DLG2: variants seen among roughly 807,000 people sequenced by gnomAD.
DLG2 encodes the protein disks large homolog 2.
In DLG2, 45 loss-of-function variants were observed where a neutral mutation model predicts 132.5. The observed-to-expected ratio is 0.34, with a 90% CI of 0.27 to 0.44. The LOEUF (loss-of-function observed/expected upper bound fraction) is 0.44, where lower values mean the gene tolerates loss of function less well. DLG2 is among the 20% of genes least tolerant of loss of function. The probability of loss-of-function intolerance (pLI) is 1.00; values close to 1 mark genes in which losing one functional copy is unlikely to be tolerated. For missense variants in DLG2, 1,045 were observed against 1,196.9 expected (o/e 0.87, Z 1.87); for synonymous variants, 424 against 419.6 (o/e 1.01, Z -0.13).
At chr11:83,607,749 A>G (rs925917556) in intron 19 of DLG2, among the ~76,000 whole-genome samples, 1 of 152,252 alleles carries the variant, frequency 6.6e-6, no homozygotes, top group Non-Finnish European at 1.5e-5. Context: ...AACAAATTGT[A>G]TTATATTCAT....
At chr11:84,954,501 G>A (rs1199545386) in intron 6 of DLG2, among the ~76,000 whole-genome samples, 2 of 152,178 alleles carry the variant, frequency 1.3e-5, no homozygotes, top group Non-Finnish European at 2.9e-5. Flanking sequence ...CTTTGGGCAA[G>A]AAGACTATGT....
chr11:84,801,635 G>A (rs1337304469), intron 6 of DLG2, among the ~76,000 whole-genome samples: 1 of 152,164 alleles, frequency 6.6e-6, no homozygotes, highest in African/African-American at 2.4e-5. Flanking sequence ...CGTGATGGGA[G>A]CTGTGTCCCC....
chr11:83,992,547 T>C (rs924855981), intron 11 of DLG2, among the ~76,000 whole-genome samples: 12 of 152,138 alleles, frequency 7.9e-5, no homozygotes, highest in Non-Finnish European at 1.5e-4. Context: ...CATGGCTTAG[T>C]TGAGAAACTC....
intron 7 of DLG2, among the ~76,000 whole-genome samples, chr11:84,280,461 G>GT (rs1008522104): frequency 1.3e-5 from 2 of 151,652 alleles, no homozygotes; most frequent in Non-Finnish European, 2.9e-5. Flanking sequence ...TAGTGACAGT[G>GT]TTTTGCCATG....
At chr11:84,483,472 C>T (rs2099143213) in intron 7 of DLG2, among the ~76,000 whole-genome samples, 1 of 145,874 alleles carries the variant, frequency 6.9e-6, no homozygotes. Flanking sequence ...TTACATTAGT[C>T]TCTGTAAGCA....
intron 6 of DLG2, among the ~76,000 whole-genome samples, chr11:84,721,759 G>A (rs2061861642): frequency 6.6e-6 from 1 of 152,134 alleles, no homozygotes; most frequent in South Asian, 2.1e-4. Flanking sequence ...TCTGGCTCTG[G>A]TGCTAGATGT....
rs558832862 is a variant in DLG2, at chr11:84,328,740, T to A, written c.520-77449A>T. 3.3e-5 allele frequency among the ~76,000 whole-genome samples: 5 copies of A among 152,330 alleles called. No homozygotes were observed. The South Asian group carries it at 1.0e-3, about 32-fold the overall frequency. ...CCTAAAGGCAGGGTATGGACTAATA[T>A]AAATTACAGGTCCTCTTTCATCTAA... On this transcript the variant is annotated intron_variant, in intron 7 of 27. Transcript: ENST00000376104.
At chr11:85,285,435 T>C in intron 3 of DLG2, 70 bp from the exon 4 acceptor site, 1 of 1,425,444 alleles carries the variant, frequency 7.0e-7, no homozygotes, top group Non-Finnish European at 9.6e-7. Context: ...TGCATATATG[T>C]CCATATATAG....
chr11:85,138,721 G>A (rs1434364651), intron 5 of DLG2, among the ~76,000 whole-genome samples: 1 of 150,572 alleles, frequency 6.6e-6, no homozygotes, highest in Admixed American at 6.6e-5. Context: ...AGGGATTTAT[G>A]CTTTTGCTTC....
chr11:84,632,605 T>A (rs997855818), intron 6 of DLG2, among the ~76,000 whole-genome samples: 1 of 152,172 alleles, frequency 6.6e-6, no homozygotes, highest in African/African-American at 2.4e-5. Flanking sequence ...TTTGAAGAGT[T>A]CCAACTTCCA....
At chr11:84,349,068 A>G (rs892458098) in intron 7 of DLG2, among the ~76,000 whole-genome samples, 12 of 152,186 alleles carry the variant, frequency 7.9e-5, no homozygotes, top group African/African-American at 2.9e-4. Flanking sequence ...CACATGGAAA[A>G]ACACTTTTTG....
intron 7 of DLG2, among the ~76,000 whole-genome samples, chr11:84,447,321 T>C (rs2099038138): frequency 6.6e-6 from 1 of 152,196 alleles, no homozygotes; most frequent in Admixed American, 6.5e-5. Context: ...ATAAAAATAC[T>C]GCTTTTATTT....
intron 10 of DLG2, among the ~76,000 whole-genome samples, chr11:84,062,268 T>C (rs12574301): frequency 0.018 from 2,760 of 152,118 alleles, 84 homozygotes; most frequent in African/African-American, 0.062. Flanking sequence ...TTCTTCATCA[T>C]CTGTGGGACC....
At chr11:84,897,539 C>A (rs977093321) in intron 6 of DLG2, among the ~76,000 whole-genome samples, 29 of 151,766 alleles carry the variant, frequency 1.9e-4, no homozygotes, top group Non-Finnish European at 3.4e-4. Context: ...TGGTATCTGG[C>A]AACCATGATC....
intron 6 of DLG2, among the ~76,000 whole-genome samples, chr11:85,043,435 T>G (rs912443471): frequency 2.0e-5 from 3 of 151,820 alleles, no homozygotes; most frequent in African/African-American, 7.2e-5. Flanking sequence ...CACCAAACCA[T>G]TATTATCACA....
chr11:84,492,763 A>C (rs2099168680), intron 7 of DLG2, among the ~76,000 whole-genome samples: 1 of 152,100 alleles, frequency 6.6e-6, no homozygotes, highest in African/African-American at 2.4e-5. Flanking sequence ...TACTGGATTC[A>C]AGAAGTGTAG....
intron 7 of DLG2, among the ~76,000 whole-genome samples, chr11:84,528,076 A>C (rs2099327087): frequency 6.6e-6 from 1 of 152,212 alleles, no homozygotes; most frequent in Non-Finnish European, 1.5e-5. Flanking sequence ...CTAGGTACTG[A>C]AAATCATTTC....
At chr11:84,739,367 T>A (rs1033545505) in intron 6 of DLG2, among the ~76,000 whole-genome samples, 3 of 152,176 alleles carry the variant, frequency 2.0e-5, no homozygotes, top group Non-Finnish European at 4.4e-5. Flanking sequence ...CAAGTGTTAT[T>A]ACATGAAGTG....
At chr11:84,007,483 TG>T (rs547340327) in intron 11 of DLG2, among the ~76,000 whole-genome samples, 52 of 151,886 alleles carry the variant, frequency 3.4e-4, no homozygotes, top group African/African-American at 1.2e-3. Flanking sequence ...CATATCCAAT[TG>T]TACAAGGCTT....
Sources: allele counts gnomAD v4.1 joint callset (sites outside exome capture counted in the v4.1 genomes callset), GRCh38; gene constraint gnomAD v4.1.1; transcripts MANE v1.5; gene names NCBI Gene and HGNC (gene_info 2026-07-23, HGNC 2026-07-21).